VAV3: variants seen among roughly 807,000 people sequenced by gnomAD.
VAV3 encodes vav guanine nucleotide exchange factor 3.
Under a neutral mutation model 131.2 loss-of-function variants are expected in VAV3, and 94 were observed. The observed-to-expected ratio is 0.72, with a 90% confidence interval of 0.61 to 0.85. VAV3 has a LOEUF of 0.85. Among genes scored for constraint, VAV3 ranks in the 40% least tolerant of loss-of-function variants. VAV3 has a pLI of 0.00. For synonymous variants in VAV3, 349 were observed against 342.0 expected, an observed-to-expected ratio of 1.02 and a Z score of -0.22; for missense variants, 939 against 1,002.7, an observed-to-expected ratio of 0.94 and a Z score of 0.86.
chr1:107,634,090 A>G (rs1288406164), intron 20 of VAV3, among the ~76,000 whole-genome samples: 4 of 152,176 alleles, frequency 2.6e-5, no homozygotes, highest in Admixed American at 2.0e-4. Context: ...CAAGCTACCA[A>G]TGACTTTCTT....
Position 107,735,478 on chromosome 1 carries a change from A to C in VAV3, c.1502+13490T>G, listed in dbSNP as rs1462199077. The stretch of plus-strand genomic sequence containing the variant: ...CCGCTAGCAAGACTAATAAAGAAGA[A>C]AAGAGAGAAGAATCAAATAGACGCA... On this transcript the variant is annotated intron_variant, in intron 15 of 26. Transcript: ENST00000370056. 3.3e-5 allele frequency among the ~76,000 whole-genome samples: 5 copies of C among 152,304 alleles called. No homozygotes were observed. In the East Asian group the frequency reaches 7.7e-4, roughly 24 times the overall value.
intron 20 of VAV3, among the ~76,000 whole-genome samples, chr1:107,629,524 C>G (rs966852107): frequency 6.6e-6 from 1 of 152,110 alleles, no homozygotes; most frequent in Non-Finnish European, 1.5e-5. Context: ...TGCCTTACAC[C>G]TGCACTAGAA....
chr1:107,914,356 A>G (rs1260812101), intron 1 of VAV3, among the ~76,000 whole-genome samples: 7 of 152,208 alleles, frequency 4.6e-5, no homozygotes, highest in Non-Finnish European at 8.8e-5. Context: ...TGGAGCTCGC[A>G]GCCTGGTTGC....
chr1:107,693,007 G>T (rs1462050307), intron 17 of VAV3, among the ~76,000 whole-genome samples: 1 of 152,128 alleles, frequency 6.6e-6, no homozygotes, highest in Admixed American at 6.5e-5. Flanking sequence ...AAAAGCAAAT[G>T]TCCATAAAGA....
intron 15 of VAV3, among the ~76,000 whole-genome samples, chr1:107,730,138 T>G (rs1662132056): frequency 6.6e-6 from 1 of 152,194 alleles, no homozygotes; most frequent in Non-Finnish European, 1.5e-5. Flanking sequence ...AACACATGGT[T>G]TAGATAACCA....
rs116918605 is a variant in VAV3 at position 107,925,563 on chromosome 1, G to A, written c.204+39103C>T. 2.6e-3 allele frequency among the ~76,000 whole-genome samples: 398 copies of A among 152,204 alleles called. 13 individuals are homozygous for A. The East Asian group carries it at 0.066, about 25-fold the overall frequency. On this transcript the variant is annotated intron_variant, in intron 1 of 26. Coordinates refer to ENST00000370056, the MANE Select transcript of VAV3 (RefSeq NM_006113.5). The stretch of plus-strand genomic sequence containing the variant: ...ATAAACCTAAAAGGCATTATGCTAA[G>A]TGAAATAAGCTAGTCACAAGTGCAC...
intron 2 of VAV3, among the ~76,000 whole-genome samples, chr1:107,805,251 T>A (rs1449172953): frequency 1.3e-5 from 2 of 152,170 alleles, no homozygotes; most frequent in African/African-American, 4.8e-5. Flanking sequence ...ATCTTTCTAC[T>A]CCTCGCTCTT....
intron 19 of VAV3, among the ~76,000 whole-genome samples, chr1:107,659,876 A>C (rs550636878): frequency 6.6e-6 from 1 of 152,258 alleles, no homozygotes; most frequent in East Asian, 1.9e-4. Context: ...GGTGAGGGCT[A>C]AACTAGACCT....
intron 19 of VAV3, 37 bp from the exon 20 acceptor site, chr1:107,642,792 A>AC: frequency 6.2e-7 from 1 of 1,612,292 alleles, no homozygotes; most frequent in Non-Finnish European, 8.5e-7. Flanking sequence ...AATTGAGAAA[A>AC]CAATGATGCA....
At chr1:107,600,730 T>C (rs542338457) in intron 24 of VAV3, among the ~76,000 whole-genome samples, 3 of 152,334 alleles carry the variant, frequency 2.0e-5, no homozygotes, top group African/African-American at 7.2e-5. Flanking sequence ...TCCAGGTCAC[T>C]GTGGTATTAC....
intron 19 of VAV3, chr1:107,668,568 T>C: frequency 3.3e-6 from 3 of 918,144 alleles, no homozygotes; most frequent in Non-Finnish European, 3.9e-6. Context: ...ATATAAATCA[T>C]ACAAAGATGA....
intron 1 of VAV3, among the ~76,000 whole-genome samples, chr1:107,920,785 G>A (rs1672857271): frequency 6.6e-6 from 1 of 152,144 alleles, no homozygotes; most frequent in Non-Finnish European, 1.5e-5. Flanking sequence ...ACCTCTTACA[G>A]TGATCAGCAC....
At chr1:107,783,389 C>T (rs1249989570) in intron 2 of VAV3, among the ~76,000 whole-genome samples, 17 of 152,168 alleles carry the variant, frequency 1.1e-4, no homozygotes, top group Admixed American at 1.1e-3. Context: ...ACCAAGATGG[C>T]TGCAGTAGAC....
intron 2 of VAV3, among the ~76,000 whole-genome samples, chr1:107,862,057 A>G (rs1243686208): frequency 6.6e-6 from 1 of 151,666 alleles, no homozygotes; most frequent in African/African-American, 2.4e-5. Context: ...TTTCATGTCC[A>G]AAGAGCATTA....
intron 2 of VAV3, among the ~76,000 whole-genome samples, chr1:107,796,804 A>AAAT (rs1553210390): frequency 3.5e-5 from 5 of 144,430 alleles, no homozygotes; most frequent in East Asian, 2.0e-4. Flanking sequence ...AAAAAAAAAA[A>AAAT]ATATATATAT....
chr1:107,904,583 T>C (rs1672015226), intron 1 of VAV3, among the ~76,000 whole-genome samples: 1 of 152,250 alleles, frequency 6.6e-6, no homozygotes, highest in South Asian at 2.1e-4. Flanking sequence ...CCCCAACCAC[T>C]GTGTAACAGT....
chr1:107,707,333 T>A (rs1432989542), intron 15 of VAV3, among the ~76,000 whole-genome samples: 1 of 152,212 alleles, frequency 6.6e-6, no homozygotes, highest in Non-Finnish European at 1.5e-5. Context: ...TGGGCTTACA[T>A]CCTAACTTGC....
intron 7 of VAV3, 105 bp from the exon 8 acceptor site, chr1:107,766,655 T>G (rs1664749598): frequency 2.6e-6 from 2 of 779,736 alleles, no homozygotes; most frequent in South Asian, 3.1e-5. Context: ...CAGGATATGC[T>G]GAATGCTCTC....
At position 107,933,457 on chromosome 1, in the gene VAV3, T is replaced by A. The variant is rs527520837; in HGVS notation, c.204+31209A>T. 2.0e-5 allele frequency among the ~76,000 whole-genome samples: 3 copies of A among 152,160 alleles called. No homozygotes were observed. The East Asian group carries it at 5.8e-4, about 29-fold the overall frequency. On this transcript the variant is annotated intron_variant, in intron 1 of 26. Coordinates refer to ENST00000370056, the MANE Select transcript of VAV3 (RefSeq NM_006113.5). ...CTACATTAATTAGCTCACTTCAAGG[T>A]TAGCAATTAGAAGGAGAAAAAAAGT... is the stretch of plus-strand genomic sequence containing the variant.
Sources: allele counts gnomAD v4.1 joint callset (sites outside exome capture counted in the v4.1 genomes callset), GRCh38; gene constraint gnomAD v4.1.1; transcripts MANE v1.5; gene names NCBI Gene and HGNC (gene_info 2026-07-23, HGNC 2026-07-21).